The following IHO1 variants were observed in gnomAD, a reference collection of about 807,000 sequenced individuals.
The protein encoded by IHO1 is interactor of HORMAD1 protein 1.
In IHO1, 13 loss-of-function variants were observed where a neutral mutation model predicts 31.0. That is an observed-to-expected ratio of 0.42 (90% confidence interval 0.27 to 0.67). The LOEUF (loss-of-function observed/expected upper bound fraction) is 0.67, where lower values mean the gene tolerates loss of function less well. IHO1 is among the 30% of genes least tolerant of loss of function. The pLI is 0.24. For missense variants in IHO1, 599 were observed against 687.5 expected (o/e 0.87, Z 1.44); for synonymous variants, 221 against 248.4 (o/e 0.89, Z 1.04).
intron 2 of IHO1, among the ~76,000 whole-genome samples, chr3:49,232,672 A>G (rs563365102): frequency 2.6e-5 from 4 of 152,310 alleles, no homozygotes; most frequent in East Asian, 3.9e-4. Flanking sequence ...AGCAACACCC[A>G]TCGAACACAG....
At position 49,209,433 on chromosome 3, in the gene IHO1, G is replaced by A. The variant is rs556925785; in HGVS notation, c.-15-2333G>A. On this transcript the variant is annotated intron_variant, in intron 1 of 7. Transcript: ENST00000452691. ...GTGGATCACTTGAGGTCAGGAGTTC[G>A]GCCCAACCTGGTCAACATGGTGAGA... is the stretch of plus-strand genomic sequence containing the variant. Among the ~76,000 whole-genome samples, 35 of 151,822 alleles carry A rather than the reference G, an allele frequency of 2.3e-4. 1 individual carries two copies. In the South Asian group the frequency reaches 3.1e-3, roughly 14 times the overall value.
intron 1 of IHO1, among the ~76,000 whole-genome samples, chr3:49,211,209 CCT>C (rs201322064): frequency 0.092 from 13,915 of 151,394 alleles, 898 homozygotes; most frequent in South Asian, 0.14. Flanking sequence ...GGGGTTTCAC[CCT>C]GTTAGCCACG....
At chr3:49,209,719 GTCTT>G (rs1416839658) in intron 1 of IHO1, among the ~76,000 whole-genome samples, 1 of 150,874 alleles carries the variant, frequency 6.6e-6, no homozygotes, top group Non-Finnish European at 1.5e-5. Flanking sequence ...CAAATGACAT[GTCTT>G]TTTTTTTTTG....
chr3:49,191,862 G>T, the IHO1 span: 1 of 1,272,764 alleles, frequency 7.9e-7, no homozygotes, highest in Non-Finnish European at 1.1e-6. Context: ...TCAATTTTTT[G>T]TTGCTTAGTG....
intron 2 of IHO1, among the ~76,000 whole-genome samples, chr3:49,224,725 C>T (rs1403087661): frequency 1.3e-5 from 2 of 152,170 alleles, no homozygotes; most frequent in East Asian, 1.9e-4. Flanking sequence ...AGGTTAAGGT[C>T]AGGATTAGCT....
chr3:49,255,560 T>A, intron 7 of IHO1, 67 bp downstream of exon 7: 76 of 96,454 alleles, frequency 7.9e-4, no homozygotes, highest in Middle Eastern at 2.4e-3. Context: ...GAGAGAAACT[T>A]TTTTTTTTTT....
At position 49,201,283 on chromosome 3, in the gene IHO1, G is replaced by A. The variant is rs571421818; in HGVS notation, c.-16+1710G>A. The stretch of plus-strand genomic sequence containing the variant: ...GCTGGGATTACAGGCATGAACCACC[G>A]CACCCGGCCATTTACCACAATTTTT... On this transcript the variant is annotated intron_variant, in intron 1 of 7. Coordinates refer to ENST00000452691, the MANE Select transcript of IHO1 (RefSeq NM_001135197.2). Among the ~76,000 whole-genome samples, 3 of 151,208 alleles carry A rather than the reference G, an allele frequency of 2.0e-5. No homozygotes were observed. In the South Asian group the frequency reaches 6.3e-4, roughly 32 times the overall value.
chr3:49,230,702 A>G (rs867639148), intron 2 of IHO1, among the ~76,000 whole-genome samples: 4 of 152,340 alleles, frequency 2.6e-5, no homozygotes, highest in Middle Eastern at 3.4e-3. Flanking sequence ...CAAAATTCAG[A>G]CTAATACTCC....
At chr3:49,242,946 A>C (rs2046649591) in intron 4 of IHO1, among the ~76,000 whole-genome samples, 1 of 152,160 alleles carries the variant, frequency 6.6e-6, no homozygotes, top group South Asian at 2.1e-4. Flanking sequence ...GGTTTGTTAC[A>C]TAGGTAGACT....
At chr3:49,220,027 G>A (rs1281674359) in intron 2 of IHO1, among the ~76,000 whole-genome samples, 2 of 152,180 alleles carry the variant, frequency 1.3e-5, no homozygotes, top group Non-Finnish European at 2.9e-5. Context: ...TTTTCCGGAG[G>A]ACACTGGGTG....
chr3:49,235,403 A>AT (rs944042896), intron 2 of IHO1, among the ~76,000 whole-genome samples: 2 of 147,474 alleles, frequency 1.4e-5, no homozygotes, highest in African/African-American at 2.5e-5. Context: ...ATTTTTTTGT[A>AT]TTTTTTAGTA....
chr3:49,212,515 C>CAAA (rs1201035345), intron 2 of IHO1, among the ~76,000 whole-genome samples: 1 of 75,204 alleles, frequency 1.3e-5, no homozygotes, highest in South Asian at 4.2e-4. Context: ...GACTCAATCT[C>CAAA]AAAAAAAAAA....
chr3:49,200,661 C>T, intron 1 of IHO1: 1 of 690,578 alleles, frequency 1.4e-6, no homozygotes, highest in Non-Finnish European at 1.8e-6. Flanking sequence ...TAGTTCCATT[C>T]CTTGCATGCA....
intron 2 of IHO1, among the ~76,000 whole-genome samples, chr3:49,225,579 A>G (rs1003540520): frequency 2.0e-5 from 3 of 152,228 alleles, no homozygotes; most frequent in Non-Finnish European, 1.5e-5. Flanking sequence ...GGGACAACAA[A>G]TGGGTAACTT....
chr3:49,227,705 G>A (rs558944332), intron 2 of IHO1, among the ~76,000 whole-genome samples: 56 of 152,116 alleles, frequency 3.7e-4, no homozygotes, highest in South Asian at 6.2e-4. Context: ...ACTTTGCCCC[G>A]TCCTATAAAG....
chr3:49,200,284 G>T (rs1368239559), intron 1 of IHO1, among the ~76,000 whole-genome samples: 1 of 151,822 alleles, frequency 6.6e-6, no homozygotes, highest in Non-Finnish European at 1.5e-5. Context: ...GGCCAACATA[G>T]CGAAAACCCG....
chr3:49,215,665 G>A (rs1449095853), intron 2 of IHO1, among the ~76,000 whole-genome samples: 1 of 152,166 alleles, frequency 6.6e-6, no homozygotes, highest in Non-Finnish European at 1.5e-5. Flanking sequence ...GGAGATGGGA[G>A]CTTAGCCTCA....
intron 2 of IHO1, among the ~76,000 whole-genome samples, chr3:49,218,707 G>A (rs1040228574): frequency 1.7e-4 from 26 of 152,046 alleles, no homozygotes; most frequent in African/African-American, 6.0e-4. Context: ...AGACAATAGT[G>A]GCATAGAGCC....
chr3:49,238,636 C>T (rs763538676), intron 3 of IHO1, among the ~76,000 whole-genome samples: 54 of 152,132 alleles, frequency 3.5e-4, no homozygotes, highest in Non-Finnish European at 6.6e-4. Context: ...TAGCATAGCT[C>T]GTGACCTCGC....
Sources: gnomAD v4.1 joint callset for allele counts (sites outside exome capture counted in the v4.1 genomes callset) on GRCh38, gnomAD v4.1.1 for gene constraint, MANE v1.5 for transcripts, NCBI Gene and HGNC (gene_info 2026-07-23, HGNC 2026-07-21) for gene names.